Variants in RHPN2 observed in about 807,000 individuals in gnomAD.
RHPN2 encodes the protein rhophilin-2.
A neutral mutation model predicts 79.0 loss-of-function variants in RHPN2; 40 were observed. The ratio of observed to expected loss-of-function variants is 0.51; its 90% CI spans 0.39 to 0.66. The LOEUF (loss-of-function observed/expected upper bound fraction) is 0.66. Among genes scored for constraint, RHPN2 ranks in the 30% least tolerant of loss-of-function variants. The pLI, the probability that RHPN2 is intolerant of heterozygous loss-of-function variation, is 0.00. For missense variants in RHPN2, 686 were observed against 883.5 expected (o/e 0.78, Z 2.83); for synonymous variants, 285 against 363.5 (o/e 0.78, Z 2.46).
At chr19:33,005,059 A>G (rs1220095112) in intron 7 of RHPN2, among the ~76,000 whole-genome samples, 1 of 151,532 alleles carries the variant, frequency 6.6e-6, no homozygotes, top group East Asian at 2.0e-4. Context: ...ACAGGGGACC[A>G]GGCTCACACA....
chr19:33,045,266 C>T (rs192047709), intron 1 of RHPN2, among the ~76,000 whole-genome samples: 5 of 151,472 alleles, frequency 3.3e-5, no homozygotes, highest in Admixed American at 2.6e-4. Context: ...TGCCCAGGCT[C>T]GTCTTGAACT....
chr19:33,036,841 G>T (rs118179822), intron 2 of RHPN2, among the ~76,000 whole-genome samples: 1 of 151,874 alleles, frequency 6.6e-6, no homozygotes, highest in African/African-American at 2.4e-5. Flanking sequence ...GTGGGGCAGG[G>T]CTCAGCACCT....
At chr19:33,037,737 C>CATCCGAACATCAGAGGGAACA (rs1409567439) in intron 2 of RHPN2, among the ~76,000 whole-genome samples, 3 of 152,190 alleles carry the variant, frequency 2.0e-5, no homozygotes, top group African/African-American at 7.2e-5. Flanking sequence ...ACTCCAAACA[C>CATCCGAACATCAGAGGGAACA]ATCCGAACAT....
chr19:33,006,190 AT>A (rs1040901084), intron 7 of RHPN2, among the ~76,000 whole-genome samples: 2 of 130,776 alleles, frequency 1.5e-5, no homozygotes, highest in Admixed American at 7.5e-5. Flanking sequence ...TATTTCATTA[AT>A]TTAAAAAAAA....
At chr19:33,016,627 G>A (rs926771258) in intron 4 of RHPN2, among the ~76,000 whole-genome samples, 1 of 152,144 alleles carries the variant, frequency 6.6e-6, no homozygotes, top group African/African-American at 2.4e-5. Context: ...GTTGCAGTGA[G>A]CCAAGATTGC....
intron 6 of RHPN2, among the ~76,000 whole-genome samples, chr19:33,009,556 T>C (rs1971820539): frequency 6.6e-6 from 1 of 152,064 alleles, no homozygotes; most frequent in Non-Finnish European, 1.5e-5. Context: ...GCTTAAGAGA[T>C]CCTCCCATCT....
At chr19:33,039,645 T>C (rs8113507) in intron 2 of RHPN2, among the ~76,000 whole-genome samples, 80,709 of 151,814 alleles carry the variant, frequency 0.53, 25,659 homozygotes, top group African/African-American at 0.87. Context: ...TGAGATCAGC[T>C]TGGCCAACAT....
At chr19:33,025,925 A>C (rs1305028638) in intron 3 of RHPN2, among the ~76,000 whole-genome samples, 1 of 152,148 alleles carries the variant, frequency 6.6e-6, no homozygotes, top group East Asian at 1.9e-4. Context: ...TCTAACTTTT[A>C]AACTTATCTT....
intron 1 of RHPN2, among the ~76,000 whole-genome samples, chr19:33,056,812 A>T (rs1292891773): frequency 6.6e-6 from 1 of 152,032 alleles, no homozygotes; most frequent in Non-Finnish European, 1.5e-5. Flanking sequence ...GCTTGGGCCC[A>T]AAGAGTTCGA....
chr19:32,996,383 C>T (rs1343128667), intron 10 of RHPN2, 163 bp from the exon 11 acceptor site: 4 of 695,836 alleles, frequency 5.7e-6, no homozygotes, highest in African/African-American at 1.8e-5. Flanking sequence ...GTGACTCTCT[C>T]CTAGCAGAGA....
At chr19:33,003,357 C>CAAA (rs56166279) in intron 7 of RHPN2, among the ~76,000 whole-genome samples, 11 of 66,618 alleles carry the variant, frequency 1.7e-4, no homozygotes, top group African/African-American at 2.6e-4. Context: ...GACTCTGTCT[C>CAAA]AAAAAAAAAA....
intron 14 of RHPN2, among the ~76,000 whole-genome samples, chr19:32,990,167 G>GAAAGAAAAGAA (rs1491437447): frequency 1.4e-5 from 2 of 144,782 alleles, no homozygotes; most frequent in Non-Finnish European, 3.0e-5. Flanking sequence ...GAAAGAAAGA[G>GAAAGAAAAGAA]CGAGCCAGGG....
intron 1 of RHPN2, among the ~76,000 whole-genome samples, chr19:33,056,654 G>T (rs375582040): frequency 6.6e-6 from 1 of 152,172 alleles, no homozygotes; most frequent in African/African-American, 2.4e-5. Context: ...AGTAATATAA[G>T]TTGAGAAAGT....
At chr19:32,982,130 G>A (rs1040466819) in intron 14 of RHPN2, among the ~76,000 whole-genome samples, 1 of 152,118 alleles carries the variant, frequency 6.6e-6, no homozygotes, top group African/African-American at 2.4e-5. Flanking sequence ...AAGAGGGGCC[G>A]GGCACAGTGT....
chr19:32,982,035 G>A (rs1195649065), intron 14 of RHPN2, among the ~76,000 whole-genome samples: 1 of 152,068 alleles, frequency 6.6e-6, no homozygotes, highest in Non-Finnish European at 1.5e-5. Flanking sequence ...CATGTTTATT[G>A]ATGGTCTACT....
At chr19:33,054,086 C>T (rs2145270406) in intron 1 of RHPN2, among the ~76,000 whole-genome samples, 1 of 152,072 alleles carries the variant, frequency 6.6e-6, no homozygotes, top group Admixed American at 6.6e-5. Context: ...TGGTCTTGAA[C>T]TCCTGAGCTC....
intron 3 of RHPN2, among the ~76,000 whole-genome samples, chr19:33,024,538 C>T (rs1174754403): frequency 5.3e-5 from 8 of 152,144 alleles, no homozygotes; most frequent in Non-Finnish European, 1.0e-4. Flanking sequence ...CACACACTGA[C>T]GCCTCCCCTC....
At chr19:33,017,383 A>C (rs1971886618) in intron 4 of RHPN2, among the ~76,000 whole-genome samples, 1 of 152,090 alleles carries the variant, frequency 6.6e-6, no homozygotes. Context: ...TCAAAAAAAA[A>C]AATGCTTACA....
At chr19:33,054,979 C>T (rs1004907581) in intron 1 of RHPN2, among the ~76,000 whole-genome samples, 1 of 152,184 alleles carries the variant, frequency 6.6e-6, no homozygotes, top group African/African-American at 2.4e-5. Context: ...GGCAGACCCT[C>T]GGGGCTGATG....
Sources: allele counts gnomAD v4.1 joint callset (sites outside exome capture counted in the v4.1 genomes callset), GRCh38; gene constraint gnomAD v4.1.1; transcripts MANE v1.5; gene names NCBI Gene and HGNC (gene_info 2026-07-23, HGNC 2026-07-21).